Variants in EPB41L3 observed in about 807,000 individuals in gnomAD.
The protein encoded by EPB41L3 is erythrocyte membrane protein band 4.1 like 3, also known as band 4.1-like protein 3.
A neutral mutation model predicts 127.1 loss-of-function variants in EPB41L3; 57 were observed. That is an observed-to-expected ratio of 0.45 (90% CI 0.36 to 0.56). The LOEUF (loss-of-function observed/expected upper bound fraction) is 0.56, where lower values mean the gene tolerates loss of function less well. EPB41L3 is among the 20% of genes least tolerant of loss of function. The probability of loss-of-function intolerance (pLI) is 0.00; values close to 1 mark genes in which losing one functional copy is unlikely to be tolerated. For synonymous variants in EPB41L3, 572 were observed against 549.5 expected (o/e 1.04, Z -0.57); for missense variants, 1,273 against 1,372.2 (o/e 0.93, Z 1.14).
chr18:5,540,411 G>A (rs2093686547), intron 1 of EPB41L3: 2 of 985,428 alleles, frequency 2.0e-6, no homozygotes, highest in Non-Finnish European at 2.4e-6. Flanking sequence ...CCAGCAAGAT[G>A]CTTCAGATGG....
chr18:5,398,253 A>AG, intron 16 of EPB41L3, 110 bp from the exon 17 acceptor site: 1 of 1,258,118 alleles, frequency 7.9e-7, no homozygotes, highest in East Asian at 2.3e-5. Context: ...GACAGGGAGG[A>AG]GGAAGAACGA....
chr18:5,523,543 T>C (rs1598616644), intron 1 of EPB41L3, among the ~76,000 whole-genome samples: 1 of 152,198 alleles, frequency 6.6e-6, no homozygotes, highest in Non-Finnish European at 1.5e-5. Flanking sequence ...TCACGCCTGT[T>C]ATCCCAGGAC....
intron 3 of EPB41L3, among the ~76,000 whole-genome samples, chr18:5,561,124 C>T (rs1026946286): frequency 3.3e-5 from 5 of 149,362 alleles, no homozygotes; most frequent in East Asian, 4.0e-4. Flanking sequence ...ACTACAGGCG[C>T]CCGCCACTAC....
intron 9 of EPB41L3, among the ~76,000 whole-genome samples, chr18:5,425,074 G>A (rs764260267): frequency 2.6e-5 from 4 of 152,110 alleles, no homozygotes; most frequent in Admixed American, 6.5e-5. Context: ...AGATGCACAG[G>A]TTTTCACATT....
intron 2 of EPB41L3, 129 bp from the exon 3 acceptor site, chr18:5,478,567 G>C (rs192170081): frequency 1.3e-6 from 1 of 740,798 alleles, no homozygotes; most frequent in East Asian, 2.7e-5. Flanking sequence ...ATTAGGAATA[G>C]ATATAAATAT....
Position 5,543,598 on chromosome 18 carries a change from G to A in EPB41L3, c.-12+315C>T, listed in dbSNP as rs2093809521. ...TCGCCCCTTCGGCCAGGGATCCCAGGGAGGCCCCCAGGCCGGAGGCCGGGG... is the reference window on the plus strand; with the variant it reads ...TCGCCCCTTCGGCCAGGGATCCCAGAGAGGCCCCCAGGCCGGAGGCCGGGG... On this transcript the variant is annotated intron_variant, in intron 1 of 22. Coordinates refer to ENST00000341928, the MANE Select transcript of EPB41L3 (RefSeq NM_012307.5). This position sits in a 1 kb window ranked among gnomAD's most constrained non-coding sequence, Gnocchi z 5.2. Among the ~76,000 whole-genome samples, 1 of 147,330 alleles carries A rather than the reference G, an allele frequency of 6.8e-6. No individual in the cohort carries two copies. The highest frequency in any genetic ancestry group is 2.1e-4 in the South Asian group (1 of 4,824).
chr18:5,397,136 A>T lies in EPB41L3; in HGVS notation c.2763T>A (p.Ala921=). ...KAVLEQEETA[A]ASRERQEEQS... is the part of the protein sequence containing the mutation. ...GCTCCTCTTGTCGCTCACGGGAAGC[A>T]GCGGCTGTCTCTTCCTGTTCCAGGA... The change falls in exon 18 of 23, where the codon GCT becomes GCA. Residue 921 remains alanine, a synonymous_variant. Coordinates refer to ENST00000341928, the MANE Select transcript of EPB41L3 (RefSeq NM_012307.5). This position sits in a 1 kb window ranked among gnomAD's most constrained non-coding sequence, Gnocchi z 4.1. 1 of 1,614,210 alleles carries T rather than the reference A, an allele frequency of 6.2e-7. No homozygotes were observed. Among genetic ancestry groups the T allele is most frequent in the Non-Finnish European group, 8.5e-7 (1 of 1,180,022 alleles).
intron 3 of EPB41L3, among the ~76,000 whole-genome samples, chr18:5,461,103 G>A (rs2083926870): frequency 2.0e-5 from 3 of 152,082 alleles, no homozygotes; most frequent in Admixed American, 2.0e-4. Context: ...TGACGTCTGG[G>A]CAGTATTTTT....
intron 20 of EPB41L3, 96 bp from the exon 21 acceptor site, chr18:5,395,243 A>G (rs2073173724): frequency 9.8e-7 from 1 of 1,016,806 alleles, no homozygotes; most frequent in Non-Finnish European, 1.6e-6. Context: ...GACATCATTC[A>G]CTCTTCGAGA....
intron 1 of EPB41L3, among the ~76,000 whole-genome samples, chr18:5,527,837 T>C (rs1015631413): frequency 1.3e-4 from 20 of 152,160 alleles, no homozygotes; most frequent in African/African-American, 4.8e-4. Flanking sequence ...CAAGGTTCAG[T>C]GAGGAAGCCA....
chr18:5,405,654 T>C (rs1186728664), intron 16 of EPB41L3, among the ~76,000 whole-genome samples: 1 of 151,974 alleles, frequency 6.6e-6, no homozygotes, highest in Non-Finnish European at 1.5e-5. Flanking sequence ...TAGCCAAGTG[T>C]GGTGGTGCCT....
intron 3 of EPB41L3, among the ~76,000 whole-genome samples, chr18:5,582,963 G>C (rs2094407999): frequency 6.6e-6 from 1 of 152,172 alleles, no homozygotes; most frequent in Non-Finnish European, 1.5e-5. Flanking sequence ...TGGGGAAACA[G>C]CTACCATAGG....
chr18:5,548,471 T>G (rs2093917144), upstream of EPB41L3, among the ~76,000 whole-genome samples: 1 of 152,238 alleles, frequency 6.6e-6, no homozygotes, highest in Non-Finnish European at 1.5e-5. Context: ...AGTTTAGGCA[T>G]GCTAACACCA....
chr18:5,481,606 C>T (rs938985215), intron 2 of EPB41L3, among the ~76,000 whole-genome samples: 6 of 152,246 alleles, frequency 3.9e-5, no homozygotes, highest in African/African-American at 7.2e-5. Context: ...CGAGGACAGG[C>T]GGAGAAAAAG....
At chr18:5,494,204 C>G (rs2090913611) in intron 1 of EPB41L3, among the ~76,000 whole-genome samples, 1 of 152,058 alleles carries the variant, frequency 6.6e-6, no homozygotes, top group Non-Finnish European at 1.5e-5. Context: ...TGCCTGCTGC[C>G]AACCCCCCAA....
chr18:5,554,950 G>A (rs1390686093), intron 3 of EPB41L3, among the ~76,000 whole-genome samples: 5 of 152,162 alleles, frequency 3.3e-5, no homozygotes, highest in Admixed American at 1.3e-4. Flanking sequence ...TACTTTTACG[G>A]GGCTGTTGGA....
At chr18:5,474,176 A>G (rs1397781728) in intron 3 of EPB41L3, among the ~76,000 whole-genome samples, 1 of 151,786 alleles carries the variant, frequency 6.6e-6, no homozygotes, top group South Asian at 2.1e-4. Flanking sequence ...GCTTGCAGTG[A>G]GCCGAGATCG....
rs187453350 is a variant in EPB41L3 at position 5,481,322 on chromosome 18, G to A, written c.184-2884C>T. ...CAACCTGGAACTCAAATATGAGGACGAGACAGATCCTGAGGCCACAGAAAA... is the reference window on the plus strand; with the variant it reads ...CAACCTGGAACTCAAATATGAGGACAAGACAGATCCTGAGGCCACAGAAAA... On this transcript the variant is annotated intron_variant, in intron 2 of 22. Coordinates refer to ENST00000341928, the MANE Select transcript of EPB41L3 (RefSeq NM_012307.5). Among the ~76,000 whole-genome samples the A allele has an allele frequency of 3.3e-5, 5 of 152,280 alleles. No homozygotes were observed. The East Asian group carries it at 9.6e-4, about 29-fold the overall frequency.
chr18:5,398,511 AATTAAG>A (rs2073967600), intron 16 of EPB41L3: 2 of 404,042 alleles, frequency 4.9e-6, no homozygotes, highest in Non-Finnish European at 8.7e-6. Flanking sequence ...CATGAAAAAA[AATTAAG>A]AAGCTGGGTT....
Sources: gnomAD v4.1 joint callset for allele counts (sites outside exome capture counted in the v4.1 genomes callset) on GRCh38, gnomAD v4.1.1 for gene constraint, Gnocchi (gnomAD v3.1) non-coding constraint, MANE v1.5 for transcripts, NCBI Gene and HGNC (gene_info 2026-07-23, HGNC 2026-07-21) for gene names.